Variants in KDM6A observed in about 807,000 individuals in gnomAD.
The protein encoded by KDM6A is lysine-specific demethylase 6A.
KDM6A carries 11 observed loss-of-function variants against 117.6 expected under a neutral mutation model. The ratio of observed to expected loss-of-function variants is 0.09; its 90% CI spans 0.06 to 0.15. The LOEUF (loss-of-function observed/expected upper bound fraction) is 0.15, where lower values mean the gene tolerates loss of function less well. Ranked by LOEUF, KDM6A falls within the 10% of genes least tolerant of loss-of-function variation. KDM6A has a pLI of 1.00. For missense variants in KDM6A, 799 were observed against 1,077.3 expected (o/e 0.74, Z 3.62); for synonymous variants, 384 against 396.1 (o/e 0.97, Z 0.36).
chrX:45,104,752 C>T (rs1025915386), intron 27 of KDM6A, among the ~76,000 whole-genome samples: 28 of 111,670 alleles, frequency 2.5e-4, no homozygotes, highest in African/African-American at 9.1e-4. Flanking sequence ...TTTTGTTATT[C>T]ATCATCAGAT....
intron 27 of KDM6A, chrX:45,106,970 G>C (rs1490384438): frequency 5.5e-6 from 1 of 181,298 alleles, no homozygotes; most frequent in Non-Finnish European, 1.0e-5. Flanking sequence ...GAGTGTTTAG[G>C]TAGTGTTGAT....
chrX:45,056,429 A>G (rs1186875907), intron 10 of KDM6A, among the ~76,000 whole-genome samples: 1 of 111,897 alleles, frequency 8.9e-6, no homozygotes, highest in African/African-American at 3.2e-5. Context: ...TTGAAGATGG[A>G]CTTTGCTTGT....
intron 2 of KDM6A, among the ~76,000 whole-genome samples, chrX:44,896,527 C>T (rs1447418276): frequency 1.8e-5 from 2 of 109,681 alleles, no homozygotes; most frequent in Admixed American, 9.8e-5. Flanking sequence ...GAAACTCATG[C>T]GTAGTATGAT....
At chrX:44,948,894 G>C (rs1044845931) in intron 2 of KDM6A, among the ~76,000 whole-genome samples, 1 of 111,841 alleles carries the variant, frequency 8.9e-6, no homozygotes, top group African/African-American at 3.3e-5. Context: ...TGGCTTATCA[G>C]AAGCTTAAAT....
intron 21 of KDM6A, among the ~76,000 whole-genome samples, chrX:45,080,618 G>A: frequency 8.9e-6 from 1 of 111,834 alleles, no homozygotes; most frequent in South Asian, 3.7e-4. Context: ...AATCAAGATA[G>A]CATTTCTGCC....
At chrX:44,874,264 C>T (rs1601999917) in intron 2 of KDM6A, among the ~76,000 whole-genome samples, 1 of 111,947 alleles carries the variant, frequency 8.9e-6, no homozygotes, top group East Asian at 2.8e-4. Flanking sequence ...TATTTTACAG[C>T]TTTTTGAGGG....
intron 8 of KDM6A, among the ~76,000 whole-genome samples, 199 bp from the exon 9 acceptor site, chrX:45,051,510 C>G (rs183958296): frequency 5.4e-5 from 6 of 111,953 alleles, no homozygotes; most frequent in African/African-American, 1.9e-4. Flanking sequence ...GTCAGTTTTA[C>G]TGGTGTTAGG....
At position 45,023,440 on chromosome X, in the gene KDM6A, C is replaced by T. The variant is rs769851994; in HGVS notation, c.564+2710C>T. Reference sequence around the variant, plus strand: ...GATAACTTTCTCACAAAATGTGTCTCTGAAATTCTGTGTTGGTGCTGTGTA... The same window carrying T: ...GATAACTTTCTCACAAAATGTGTCTTTGAAATTCTGTGTTGGTGCTGTGTA... On this transcript the variant is annotated intron_variant, in intron 6 of 29. Coordinates refer to ENST00000611820, the MANE Select transcript of KDM6A (RefSeq NM_001291415.2). Among the ~76,000 whole-genome samples, 8 of 111,550 alleles carry T rather than the reference C, an allele frequency of 7.2e-5. No homozygotes were observed. The East Asian group carries it at 2.3e-3, about 32-fold the overall frequency.
intron 4 of KDM6A, among the ~76,000 whole-genome samples, chrX:45,004,407 T>C (rs147212787): frequency 0.041 from 4,559 of 111,572 alleles, 83 homozygotes; most frequent in Middle Eastern, 0.079. Context: ...TTTTCACATA[T>C]ACTTTCTGAG....
chrX:45,106,878 C>G (rs2046548090), intron 27 of KDM6A: 1 of 203,903 alleles, frequency 4.9e-6, no homozygotes, highest in Admixed American at 6.8e-5. Flanking sequence ...AATATTGTAT[C>G]CTGTAGTGAC....
intron 21 of KDM6A, chrX:45,082,363 G>A (rs2045449403): frequency 9.8e-6 from 4 of 407,755 alleles, no homozygotes; most frequent in African/African-American, 2.5e-5. Context: ...GAGCCCAGGA[G>A]GCAGAGGTTG....
intron 28 of KDM6A, among the ~76,000 whole-genome samples, chrX:45,109,051 A>G (rs1472935528): frequency 9.5e-6 from 1 of 104,726 alleles, no homozygotes. Context: ...GCGCACCACC[A>G]TGGCACATGT....
intron 2 of KDM6A, among the ~76,000 whole-genome samples, chrX:44,884,965 T>A (rs2032714660): frequency 9.0e-6 from 1 of 111,493 alleles, no homozygotes; most frequent in South Asian, 3.7e-4. Flanking sequence ...CCACTACCCA[T>A]GCCAGAAACC....
chrX:44,912,038 G>A (rs2035229280), intron 2 of KDM6A, among the ~76,000 whole-genome samples: 1 of 106,236 alleles, frequency 9.4e-6, no homozygotes, highest in African/African-American at 3.4e-5. Context: ...GAGGGAGAGA[G>A]GGGGAGAGGG....
chrX:44,981,190 T>A (rs986234473), intron 4 of KDM6A, among the ~76,000 whole-genome samples: 7 of 111,665 alleles, frequency 6.3e-5, no homozygotes, highest in Non-Finnish European at 1.3e-4. Flanking sequence ...GGAGATAGTT[T>A]CAGATCCCAC....
intron 23 of KDM6A, 149 bp from the exon 24 acceptor site, chrX:45,083,311 T>G: frequency 4.0e-6 from 2 of 501,851 alleles, no homozygotes; most frequent in Non-Finnish European, 6.3e-6. Flanking sequence ...TGGAAAAAAT[T>G]AAAAATTTAA....
intron 2 of KDM6A, among the ~76,000 whole-genome samples, chrX:44,896,667 A>G (rs2033890925): frequency 2.4e-5 from 2 of 85,069 alleles, no homozygotes; most frequent in African/African-American, 9.2e-5. Flanking sequence ...CTGTTCTTTC[A>G]GGGTAGGTTT....
Position 45,102,196 on chromosome X carries a change from A to G in KDM6A, c.4035-5214A>G, listed in dbSNP as rs766156290. On this transcript the variant is annotated intron_variant, in intron 27 of 29. Transcript: ENST00000611820. ...ACTGGTTCTCTCACTTGCTGATCAC[A>G]AGAATCACCTGGAACTCTTATTAAA... Among the ~76,000 whole-genome samples, 3 of 112,257 alleles carry G rather than the reference A, an allele frequency of 2.7e-5. 1 individual carries two copies. In the South Asian group the frequency reaches 1.1e-3, roughly 42 times the overall value.
chrX:45,047,469 A>T (rs1602729469), intron 8 of KDM6A, among the ~76,000 whole-genome samples: 1 of 96,068 alleles, frequency 1.0e-5, no homozygotes. Flanking sequence ...AAATGCATTG[A>T]TTTCTTTTTT....
Sources: gnomAD v4.1 joint callset for allele counts (sites outside exome capture counted in the v4.1 genomes callset) on GRCh38, gnomAD v4.1.1 for gene constraint, MANE v1.5 for transcripts, NCBI Gene and HGNC (gene_info 2026-07-23, HGNC 2026-07-21) for gene names.